GNB5: variants seen among roughly 807,000 people sequenced by gnomAD.
The protein encoded by GNB5 is guanine nucleotide-binding protein subunit beta-5.
In GNB5, 37 loss-of-function variants were observed where a neutral mutation model predicts 55.3. That is an observed-to-expected ratio of 0.67 (90% CI 0.51 to 0.88). The LOEUF (loss-of-function observed/expected upper bound fraction) is 0.88. Ranked by LOEUF, GNB5 falls within the 40% of genes least tolerant of loss-of-function variation. The pLI is 0.00. For synonymous variants in GNB5, 219 were observed against 198.5 expected (o/e 1.10, Z -0.87); for missense variants, 476 against 515.3 (o/e 0.92, Z 0.74).
chr15:52,172,136 T>C (rs2034564789), intron 3 of GNB5, among the ~76,000 whole-genome samples: 1 of 152,128 alleles, frequency 6.6e-6, no homozygotes, highest in African/African-American at 2.4e-5. Flanking sequence ...CTTTCTCTTT[T>C]TATTTTTTAT....
In GNB5 at chr15:52,124,005, CAA is replaced by C. The variant is rs56008657; in HGVS notation, c.1176+466_1176+467del. 7.2e-3 allele frequency among the ~76,000 whole-genome samples: 605 copies of C among 84,392 alleles called. 4 individuals are homozygous for C. Among genetic ancestry groups the C allele is most frequent in the African/African-American group, 0.018 (428 of 23,750 alleles). The allele number at this position is 84,392 out of a possible 152,430, so 55.4% of individuals were successfully genotyped here. ...TTCCAAGATTAAGCTATAGAAAAACCAAAAAAAAAAAAAAAAAAAAAAGGAAG... is the reference window on the plus strand; with the variant it reads ...TTCCAAGATTAAGCTATAGAAAAACCAAAAAAAAAAAAAAAAAAAAGGAAG... On this transcript the variant is annotated intron_variant, in intron 12 of 12. Transcript: ENST00000261837.
intron 3 of GNB5, among the ~76,000 whole-genome samples, chr15:52,168,074 T>C (rs1294280970): frequency 2.6e-5 from 4 of 152,176 alleles, no homozygotes; most frequent in Non-Finnish European, 5.9e-5. Flanking sequence ...GCTGGAAGCA[T>C]TCCCCTTGAC....
chr15:52,147,595 CT>C (rs979104137), intron 5 of GNB5, 60 bp from the exon 6 acceptor site: 501 of 783,978 alleles, frequency 6.4e-4, no homozygotes, highest in East Asian at 1.1e-3. Context: ...TTTTTTTTTT[CT>C]TTTTTTTTGA....
At chr15:52,184,146 A>G (rs1455336753) in intron 2 of GNB5, among the ~76,000 whole-genome samples, 2 of 152,248 alleles carry the variant, frequency 1.3e-5, no homozygotes, top group Non-Finnish European at 2.9e-5. Flanking sequence ...CAGAAGAAAA[A>G]AGTATTAGCC....
intron 4 of GNB5, among the ~76,000 whole-genome samples, chr15:52,152,705 A>C (rs2034125557): frequency 2.0e-5 from 3 of 150,690 alleles, no homozygotes; most frequent in African/African-American, 7.3e-5. Context: ...ATCTCAGCTC[A>C]CTGCAGCCTT....
intron 3 of GNB5, among the ~76,000 whole-genome samples, chr15:52,164,308 TAAAAAA>T (rs56029917): frequency 0.19 from 9,810 of 50,482 alleles, 768 homozygotes; most frequent in Admixed American, 0.36. Flanking sequence ...GACTCTGTCT[TAAAAAA>T]AAAAAAAAAA....
intron 3 of GNB5, among the ~76,000 whole-genome samples, chr15:52,156,953 T>A (rs1262255316): frequency 8.6e-5 from 13 of 150,894 alleles, no homozygotes; most frequent in Non-Finnish European, 1.2e-4. Context: ...TTTTTTTTTT[T>A]GAGACGGAGT....
chr15:52,137,077 C>A, intron 7 of GNB5: 1 of 517,958 alleles, frequency 1.9e-6, no homozygotes, highest in South Asian at 1.6e-5. Context: ...ACCTTAAAAT[C>A]ACCAAGCCTG....
chr15:52,146,355 G>A (rs944128000), intron 6 of GNB5, among the ~76,000 whole-genome samples: 12 of 152,122 alleles, frequency 7.9e-5, no homozygotes, highest in African/African-American at 2.7e-4. Context: ...GAATTATGTC[G>A]GTTTCAGTTC....
At chr15:52,129,360 G>A (rs893557176) in intron 9 of GNB5, among the ~76,000 whole-genome samples, 5 of 152,180 alleles carry the variant, frequency 3.3e-5, no homozygotes, top group African/African-American at 1.2e-4. Flanking sequence ...AGCGGGAGGT[G>A]AGAGTCAAAA....
chr15:52,151,603 G>T (rs559198744), intron 4 of GNB5, among the ~76,000 whole-genome samples: 7 of 152,272 alleles, frequency 4.6e-5, no homozygotes, highest in Admixed American at 4.6e-4. Flanking sequence ...ACCTCTTCCT[G>T]CTCTGGAGCA....
At chr15:52,167,720 T>C in intron 3 of GNB5, among the ~76,000 whole-genome samples, 1 of 151,662 alleles carries the variant, frequency 6.6e-6, no homozygotes, top group African/African-American at 2.4e-5. Flanking sequence ...ATATCCCTGA[T>C]GAACATTGGT....
intron 1 of GNB5, among the ~76,000 whole-genome samples, chr15:52,189,745 T>A (rs1445476317): frequency 6.6e-6 from 1 of 152,172 alleles, no homozygotes; most frequent in Non-Finnish European, 1.5e-5. Context: ...TAAAAAAGAA[T>A]GACGTTCTGA....
chr15:52,156,847 C>T (rs1596084530), intron 3 of GNB5, among the ~76,000 whole-genome samples: 1 of 152,312 alleles, frequency 6.6e-6, no homozygotes, highest in East Asian at 1.9e-4. Flanking sequence ...GCATTATTTA[C>T]TGCCACAAAC....
At chr15:52,174,590 G>C (rs904053392) in intron 3 of GNB5, among the ~76,000 whole-genome samples, 1 of 152,162 alleles carries the variant, frequency 6.6e-6, no homozygotes, top group Admixed American at 6.5e-5. Context: ...GAGGGCCAAA[G>C]GGATGGAGGT....
intron 3 of GNB5, among the ~76,000 whole-genome samples, chr15:52,162,245 A>G (rs963194519): frequency 6.6e-6 from 1 of 152,240 alleles, no homozygotes; most frequent in African/African-American, 2.4e-5. Context: ...CCTTGGAAAT[A>G]TAATTCTGGC....
At chr15:52,141,417 T>A (rs2033851119) in intron 6 of GNB5, 145 bp from the exon 7 acceptor site, 7 of 647,912 alleles carry the variant, frequency 1.1e-5, no homozygotes, top group Non-Finnish European at 1.8e-5. Flanking sequence ...CTTTGAAGAT[T>A]TTCTTTTCTT....
intron 3 of GNB5, among the ~76,000 whole-genome samples, chr15:52,156,207 G>A (rs182782287): frequency 6.6e-6 from 1 of 152,308 alleles, no homozygotes; most frequent in Admixed American, 6.5e-5. Flanking sequence ...AATTGTCCCA[G>A]GTGATGGGGA....
At chr15:52,138,296 T>C in intron 7 of GNB5, 1 of 224,062 alleles carries the variant, frequency 4.5e-6, no homozygotes, top group East Asian at 1.3e-4. Context: ...GGCACTAGAA[T>C]CGCTTGAACC....
Sources: gnomAD v4.1 joint callset for allele counts (sites outside exome capture counted in the v4.1 genomes callset) on GRCh38, gnomAD v4.1.1 for gene constraint, MANE v1.5 for transcripts, NCBI Gene and HGNC (gene_info 2026-07-23, HGNC 2026-07-21) for gene names.